The following MIA2 variants were observed in gnomAD, a reference collection of about 807,000 sequenced individuals.
MIA2 encodes the protein melanoma inhibitory activity protein 2.
In MIA2, 127 loss-of-function variants were observed where a neutral mutation model predicts 167.8. The observed-to-expected ratio is 0.76, with a 90% CI of 0.66 to 0.88. The LOEUF is 0.88. Ranked by LOEUF, MIA2 falls within the 40% of genes least tolerant of loss-of-function variation. MIA2 has a pLI of 0.00. For synonymous variants in MIA2, 552 were observed against 541.9 expected (o/e 1.02, Z -0.26); for missense variants, 1,690 against 1,624.7 (o/e 1.04, Z -0.69).
intron 13 of MIA2, among the ~76,000 whole-genome samples, chr14:39,295,939 C>T (rs572509049): frequency 2.6e-5 from 4 of 152,132 alleles, no homozygotes; most frequent in Non-Finnish European, 5.9e-5. Flanking sequence ...TATACTTATC[C>T]GGTTCATCTG....
intron 21 of MIA2, 129 bp downstream of exon 21, chr14:39,315,847 G>C: frequency 3.1e-6 from 2 of 636,024 alleles, no homozygotes; most frequent in Non-Finnish European, 5.2e-6. Flanking sequence ...AATTTTACAA[G>C]TAGTGAAATT....
In MIA2 at chr14:39,287,249, A is replaced by AT. The variant is rs547149460; in HGVS notation, c.2131-3762dup. Among the ~76,000 whole-genome samples the AT allele has an allele frequency of 9.1e-4, 137 of 150,514 alleles. 1 individual carries two copies. The highest frequency in any genetic ancestry group is 3.0e-3 in the African/African-American group (124 of 40,984). On this transcript the variant is annotated intron_variant, in intron 9 of 28. Coordinates refer to ENST00000640607, the MANE Select transcript of MIA2 (RefSeq NM_001329214.4). The stretch of plus-strand genomic sequence containing the variant: ...CCACCACGCCCAGTTAATTTTTTGT[A>AT]TTTTTTTTGTAGAGATGGTGTTTGG...
chr14:39,376,782 A>G (rs376392675), intron 23 of MIA2, among the ~76,000 whole-genome samples: 1 of 152,248 alleles, frequency 6.6e-6, no homozygotes, highest in African/African-American at 2.4e-5. Context: ...TAGGAAGTGT[A>G]GGGTCACATT....
intron 9 of MIA2, among the ~76,000 whole-genome samples, chr14:39,285,746 G>A (rs1201748019): frequency 9.5e-5 from 14 of 147,904 alleles, no homozygotes; most frequent in South Asian, 4.3e-4. Context: ...CCGGGCGGAG[G>A]GGCTCCTCAC....
intron 23 of MIA2, among the ~76,000 whole-genome samples, chr14:39,373,737 C>G (rs1019521122): frequency 1.3e-5 from 2 of 152,190 alleles, no homozygotes; most frequent in African/African-American, 4.8e-5. Flanking sequence ...ATGAGAATCA[C>G]TTGAACCTGG....
At chr14:39,267,365 C>A (rs2056007363) in intron 6 of MIA2, 1 of 1,586,846 alleles carries the variant, frequency 6.3e-7, no homozygotes, top group South Asian at 1.1e-5. Context: ...GGTGCGGATT[C>A]GGGTTCCGGA....
intron 19 of MIA2, among the ~76,000 whole-genome samples, chr14:39,314,214 C>A (rs1480128962): frequency 6.6e-6 from 1 of 151,918 alleles, no homozygotes; most frequent in Non-Finnish European, 1.5e-5. Context: ...GATGAAACCC[C>A]ATCTCTACTA....
chr14:39,309,075 C>T (rs2063794449), intron 18 of MIA2, among the ~76,000 whole-genome samples: 1 of 152,202 alleles, frequency 6.6e-6, no homozygotes, highest in Non-Finnish European at 1.5e-5. Context: ...TTTATTCTGT[C>T]ATTAAATCCT....
chr14:39,291,100 G>GA lies in MIA2; in HGVS notation c.2208+8dup, dbSNP rs765388324. The GA allele has an allele frequency of 2.2e-5, 35 of 1,589,366 alleles. No individual in the cohort carries two copies. Among genetic ancestry groups the GA allele is most frequent in the Non-Finnish European group, 2.9e-5 (34 of 1,171,140 alleles). ...AACAGAAGCACAAAGTTTGGAGGTA[G>GA]AAAATCAAATGGTATAATTTTAAAA... On this transcript the variant is annotated splice_donor_region_variant and intron_variant, in intron 10 of 28. Transcript: ENST00000640607.
At position 39,348,238 on chromosome 14, in the gene MIA2, C is replaced by T. The variant is rs185996359; in HGVS notation, c.3837+467C>T. Among the ~76,000 whole-genome samples the T allele has an allele frequency of 1.3e-4, 20 of 152,232 alleles. No individual in the cohort carries two copies. In the East Asian group the frequency reaches 2.1e-3, roughly 16 times the overall value. ...TTTGATTAATATACTTTCTACTTAGCGTGAAAGCTGTTTCTTTTGTAGATG... is the reference window on the plus strand; with the variant it reads ...TTTGATTAATATACTTTCTACTTAGTGTGAAAGCTGTTTCTTTTGTAGATG... On this transcript the variant is annotated intron_variant, in intron 27 of 28. Transcript: ENST00000640607.
intron 9 of MIA2, among the ~76,000 whole-genome samples, chr14:39,288,463 A>ATTTTTTTTT (rs1371000878): frequency 3.3e-5 from 1 of 29,924 alleles, no homozygotes; most frequent in African/African-American, 1.2e-4. Context: ...ATATATATAT[A>ATTTTTTTTT]TATATATATA....
intron 13 of MIA2, among the ~76,000 whole-genome samples, 163 bp downstream of exon 13, chr14:39,295,192 A>G (rs2061258326): frequency 6.6e-6 from 1 of 152,178 alleles, no homozygotes; most frequent in Non-Finnish European, 1.5e-5. Context: ...TCTTTTGTAT[A>G]GTATACAAAA....
intron 9 of MIA2, among the ~76,000 whole-genome samples, chr14:39,288,466 T>TTTTTG (rs2060204952): frequency 2.9e-4 from 11 of 37,750 alleles, no homozygotes; most frequent in South Asian, 9.7e-4. Flanking sequence ...TATATATATA[T>TTTTTG]ATATATATAT....
chr14:39,283,334 C>T (rs979405844), intron 9 of MIA2, among the ~76,000 whole-genome samples: 9 of 152,258 alleles, frequency 5.9e-5, no homozygotes, highest in African/African-American at 9.6e-5. Context: ...AGTGACTGTA[C>T]CCATCTACAT....
At chr14:39,249,357 G>A (rs1489790056) in intron 4 of MIA2, among the ~76,000 whole-genome samples, 1 of 151,994 alleles carries the variant, frequency 6.6e-6, no homozygotes. Flanking sequence ...TGTCCAGGCT[G>A]GTCCCAACTC....
intron 4 of MIA2, among the ~76,000 whole-genome samples, chr14:39,252,454 C>A (rs184161204): frequency 3.3e-5 from 5 of 152,278 alleles, no homozygotes; most frequent in Admixed American, 3.3e-4. Context: ...GCCCTAGAGC[C>A]TCCTGAAGGA....
At chr14:39,387,156 C>T in exon 24 of MIA2, 1 of 516,770 alleles carries the variant, frequency 1.9e-6, no homozygotes, top group South Asian at 3.3e-5. Flanking sequence ...TTAAGGAATA[C>T]ATTTTATAAG....
intron 25 of MIA2, among the ~76,000 whole-genome samples, chr14:39,335,314 G>T (rs1182255945): frequency 6.6e-6 from 1 of 152,108 alleles, no homozygotes; most frequent in Non-Finnish European, 1.5e-5. Context: ...TATGGATTCT[G>T]CATTTGAGAT....
At chr14:39,325,404 AT>A (rs1199465933) in intron 24 of MIA2, among the ~76,000 whole-genome samples, 12 of 123,490 alleles carry the variant, frequency 9.7e-5, no homozygotes, top group African/African-American at 3.8e-4. Context: ...GTCTCGCTCT[AT>A]CCCCCAGACT....
Sources: gnomAD v4.1 joint callset for allele counts (sites outside exome capture counted in the v4.1 genomes callset) on GRCh38, gnomAD v4.1.1 for gene constraint, MANE v1.5 for transcripts, NCBI Gene and HGNC (gene_info 2026-07-23, HGNC 2026-07-21) for gene names.